Variants in PPARGC1A observed in about 807,000 individuals in gnomAD.
PPARGC1A encodes the protein PPARG coactivator 1 alpha.
Under a neutral mutation model 88.7 loss-of-function variants are expected in PPARGC1A, and 25 were observed. The ratio of observed to expected loss-of-function variants is 0.28; its 90% CI spans 0.21 to 0.39. The LOEUF (loss-of-function observed/expected upper bound fraction) is 0.39. Among genes scored for constraint, PPARGC1A ranks in the 10% least tolerant of loss-of-function variants. PPARGC1A has a pLI of 1.00. For synonymous variants in PPARGC1A, 363 were observed against 355.6 expected (o/e 1.02, Z -0.24); for missense variants, 880 against 968.7 (o/e 0.91, Z 1.22).
At chr4:24,375,175 G>C in the PPARGC1A span, among the ~76,000 whole-genome samples, 1 of 152,136 alleles carries the variant, frequency 6.6e-6, no homozygotes, top group Non-Finnish European at 1.5e-5. Context: ...AAGTTTTGAA[G>C]AAAACAGTAT....
At chr4:24,409,966 A>C in the PPARGC1A span, among the ~76,000 whole-genome samples, 1 of 152,216 alleles carries the variant, frequency 6.6e-6, no homozygotes, top group Admixed American at 6.5e-5. Flanking sequence ...CTCCCAAACA[A>C]CAACCAAAGA....
intron 1 of PPARGC1A, among the ~76,000 whole-genome samples, chr4:23,886,108 G>A (rs1030129636): frequency 1.3e-5 from 2 of 152,114 alleles, no homozygotes; most frequent in African/African-American, 4.8e-5. Context: ...AGAACAGTAA[G>A]GACTTCATCC....
chr4:23,834,117 G>A lies in PPARGC1A; in HGVS notation c.235-2366C>T, dbSNP rs1238404581. Among the ~76,000 whole-genome samples, 4 of 152,136 alleles carry A rather than the reference G, an allele frequency of 2.6e-5. No homozygotes were observed. The East Asian group carries it at 7.7e-4, about 29-fold the overall frequency. On this transcript the variant is annotated intron_variant, in intron 2 of 12. Coordinates refer to ENST00000264867, the MANE Select transcript of PPARGC1A (RefSeq NM_013261.5). ...GATCAAGACCATCCTGGCTAACATG[G>A]TGAAACCCTGTCTCTACTAAAAATA...
chr4:23,959,182 G>T, the PPARGC1A span, among the ~76,000 whole-genome samples: 1 of 152,060 alleles, frequency 6.6e-6, no homozygotes, highest in African/African-American at 2.4e-5. Context: ...CGAAGGGGCG[G>T]CATTGCCCAC....
chr4:24,201,189 T>C, the PPARGC1A span, among the ~76,000 whole-genome samples: 1 of 152,224 alleles, frequency 6.6e-6, no homozygotes, highest in Non-Finnish European at 1.5e-5. Context: ...ATGTGGCCAG[T>C]ATCACTGTAA....
chr4:23,993,143 A>T, the PPARGC1A span, among the ~76,000 whole-genome samples: 1 of 152,152 alleles, frequency 6.6e-6, no homozygotes. Flanking sequence ...ATAAGAAAAA[A>T]TTTTTAAAGC....
the PPARGC1A span, among the ~76,000 whole-genome samples, chr4:24,127,744 A>G: frequency 6.6e-6 from 1 of 152,126 alleles, no homozygotes; most frequent in Non-Finnish European, 1.5e-5. Context: ...TTTCATAAGC[A>G]TCAATAAATA....
the PPARGC1A span, among the ~76,000 whole-genome samples, chr4:24,086,349 C>T: frequency 2.0e-5 from 3 of 152,188 alleles, no homozygotes; most frequent in Non-Finnish European, 2.9e-5. Context: ...CCTGCCTCAC[C>T]CTGAATGGCT....
At chr4:24,180,367 A>G in the PPARGC1A span, among the ~76,000 whole-genome samples, 1 of 152,184 alleles carries the variant, frequency 6.6e-6, no homozygotes, top group Non-Finnish European at 1.5e-5. Context: ...TGTTTCATAA[A>G]CTGGTTACAT....
chr4:24,310,435 T>G, the PPARGC1A span, among the ~76,000 whole-genome samples: 1 of 152,290 alleles, frequency 6.6e-6, no homozygotes, highest in Non-Finnish European at 1.5e-5. Flanking sequence ...AGCTGTTACC[T>G]GCAGGATGGT....
At chr4:24,207,433 A>T in the PPARGC1A span, among the ~76,000 whole-genome samples, 1 of 152,250 alleles carries the variant, frequency 6.6e-6, no homozygotes, top group African/African-American at 2.4e-5. Flanking sequence ...TAAAAATTTG[A>T]AGAACATACT....
chr4:24,387,861 AGAGAAAGG>A, the PPARGC1A span, among the ~76,000 whole-genome samples: 145 of 133,276 alleles, frequency 1.1e-3, 2 homozygotes, highest in Middle Eastern at 3.6e-3. Context: ...AGAGAGAAAG[AGAGAAAGG>A]AAGAAAGAGA....
chr4:24,043,451 G>A, the PPARGC1A span, among the ~76,000 whole-genome samples: 7 of 152,014 alleles, frequency 4.6e-5, no homozygotes, highest in South Asian at 2.1e-4. Flanking sequence ...TTTCTACTCC[G>A]TGTTACTGTG....
intron 12 of PPARGC1A, 90 bp downstream of exon 12, chr4:23,801,640 G>A: frequency 5.0e-6 from 7 of 1,400,340 alleles, no homozygotes; most frequent in Non-Finnish European, 6.9e-6. Context: ...TAAAGTGATG[G>A]TTCAACCCAA....
upstream of PPARGC1A, among the ~76,000 whole-genome samples, chr4:23,894,917 G>T (rs1718347337): frequency 6.6e-6 from 1 of 151,982 alleles, no homozygotes; most frequent in Admixed American, 6.6e-5. Flanking sequence ...TATCTATAAT[G>T]CAGACAGTTA....
chr4:23,819,308 C>G (rs953113998), intron 7 of PPARGC1A, among the ~76,000 whole-genome samples: 1 of 152,140 alleles, frequency 6.6e-6, no homozygotes, highest in African/African-American at 2.4e-5. Context: ...CCTGCTGGTC[C>G]TCTGGCTGGC....
chr4:24,028,803 A>T, the PPARGC1A span, among the ~76,000 whole-genome samples: 1 of 152,226 alleles, frequency 6.6e-6, no homozygotes, highest in African/African-American at 2.4e-5. Flanking sequence ...CTAGTTCATG[A>T]CCAGATAAGT....
At chr4:24,425,303 G>C in the PPARGC1A span, among the ~76,000 whole-genome samples, 1 of 152,282 alleles carries the variant, frequency 6.6e-6, no homozygotes, top group African/African-American at 2.4e-5. Context: ...TAATAGCCAA[G>C]TCTTGGGGAA....
In PPARGC1A at chr4:23,813,109, C is replaced by T. The variant is rs1560348927; in HGVS notation, c.1810G>A (p.Glu604Lys). The T allele has an allele frequency of 6.2e-7, 1 of 1,613,980 alleles. No individual in the cohort carries two copies. ...GTGCGGTGTCTGTAGTGGCTTGACTCATAGTAATAGCAGGATCTGCGCCAG... is the reference window on the plus strand; with the variant it reads ...GTGCGGTGTCTGTAGTGGCTTGACTTATAGTAATAGCAGGATCTGCGCCAG... ...RSSSRSCYYY[E>K]SSHYRHRTHR... The change falls in exon 9 of 13, where the codon GAG becomes AAG. Residue 604 changes from glutamate (E) to lysine (K), a missense_variant. Glu to Lys is a moderately conservative substitution (Grantham distance 56). Coordinates refer to ENST00000264867, the MANE Select transcript of PPARGC1A (RefSeq NM_013261.5).
Sources: gnomAD v4.1 joint callset for allele counts (sites outside exome capture counted in the v4.1 genomes callset) on GRCh38, gnomAD v4.1.1 for gene constraint, MANE v1.5 for transcripts, NCBI Gene and HGNC (gene_info 2026-07-23, HGNC 2026-07-21) for gene names.